The following RARB variants were observed in gnomAD, a reference collection of about 807,000 sequenced individuals.
RARB encodes retinoic acid receptor beta.
RARB carries 17 observed loss-of-function variants against 51.9 expected under a neutral mutation model. The ratio of observed to expected loss-of-function variants is 0.33; its 90% CI spans 0.22 to 0.49. The LOEUF (loss-of-function observed/expected upper bound fraction) is 0.49, where lower values mean the gene tolerates loss of function less well. Among genes scored for constraint, RARB ranks in the 20% least tolerant of loss-of-function variants. The probability of loss-of-function intolerance (pLI) is 0.99; values close to 1 mark genes in which losing one functional copy is unlikely to be tolerated. For missense variants in RARB, 369 were observed against 550.8 expected, an observed-to-expected ratio of 0.67 and a Z score of 3.30; for synonymous variants, 215 against 195.4, an observed-to-expected ratio of 1.10 and a Z score of -0.84.
intron 2 of RARB, among the ~76,000 whole-genome samples, chr3:24,948,651 A>AT (rs1438185697): frequency 6.6e-6 from 1 of 151,902 alleles, no homozygotes; most frequent in Non-Finnish European, 1.5e-5. Flanking sequence ...TCCGAATCTC[A>AT]TGTCGAGATG....
intron 5 of RARB, among the ~76,000 whole-genome samples, chr3:25,385,688 T>C (rs368924180): frequency 7.9e-5 from 12 of 152,152 alleles, no homozygotes; most frequent in Non-Finnish European, 1.8e-4. Context: ...GTTTTCTGAT[T>C]GTTAGTTTTG....
intron 5 of RARB, among the ~76,000 whole-genome samples, chr3:25,397,632 A>G (rs188786884): frequency 6.6e-6 from 1 of 152,266 alleles, no homozygotes; most frequent in African/African-American, 2.4e-5. Flanking sequence ...AAACCCCAAT[A>G]TTGAATTTAT....
At chr3:25,292,964 G>T (rs28620746) in intron 5 of RARB, among the ~76,000 whole-genome samples, 4,262 of 152,180 alleles carry the variant, frequency 0.028, 211 homozygotes, top group African/African-American at 0.097. Context: ...TGTGTTCTCC[G>T]CGAGAGCCAA....
At position 25,244,209 on chromosome 3, in the gene RARB, TATTA is replaced by T. The variant is rs1702499356; in HGVS notation, c.178+69635_178+69638del. Among the ~76,000 whole-genome samples, 4 of 152,126 alleles carry T rather than the reference TATTA, an allele frequency of 2.6e-5. No homozygotes were observed. The South Asian group carries it at 8.3e-4, about 32-fold the overall frequency. On this transcript the variant is annotated intron_variant, in intron 5 of 11. Coordinates refer to the RARB transcript ENST00000383772. ...ATTCGATTCTTCTCCTTTTCTTCTT[TATTA>T]GTCTGGCTAGCAGTCTATTTTTTTA...
At chr3:25,580,746 A>C in intron 5 of RARB, 24 bp downstream of exon 5, 1 of 1,582,530 alleles carries the variant, frequency 6.3e-7, no homozygotes. Context: ...TGAGCTCTCA[A>C]TGGGTCTGGG....
At chr3:25,447,287 G>A (rs1000414842) in intron 1 of RARB, among the ~76,000 whole-genome samples, 8 of 151,972 alleles carry the variant, frequency 5.3e-5, no homozygotes, top group Non-Finnish European at 2.9e-5. Context: ...TTAGCCCTGA[G>A]TATTTAAAGT....
chr3:25,530,145 C>T (rs1018472642), intron 3 of RARB, among the ~76,000 whole-genome samples: 64 of 152,168 alleles, frequency 4.2e-4, no homozygotes, highest in Non-Finnish European at 7.1e-4. Flanking sequence ...GTGTTATCTA[C>T]CCCTTATATC....
intron 5 of RARB, among the ~76,000 whole-genome samples, chr3:25,417,443 C>G (rs554148473): frequency 6.6e-6 from 1 of 152,214 alleles, no homozygotes; most frequent in African/African-American, 2.4e-5. Flanking sequence ...TAACTGACTC[C>G]CCCCAAGGGA....
intron 2 of RARB, among the ~76,000 whole-genome samples, chr3:24,922,205 T>C (rs185939385): frequency 1.3e-5 from 2 of 152,340 alleles, no homozygotes; most frequent in Admixed American, 6.5e-5. Flanking sequence ...GTCACTGCTA[T>C]CTGTATAAAC....
chr3:25,577,946 G>T (rs546820286), intron 4 of RARB, among the ~76,000 whole-genome samples: 5 of 152,248 alleles, frequency 3.3e-5, no homozygotes, highest in African/African-American at 7.2e-5. Context: ...ACCTCCTCTG[G>T]AAGCCCTGGC....
At chr3:25,200,215 C>T (rs1241995152) in intron 5 of RARB, among the ~76,000 whole-genome samples, 2 of 151,656 alleles carry the variant, frequency 1.3e-5, no homozygotes, top group Admixed American at 6.6e-5. Context: ...AGCATTGTTT[C>T]TTGTGTCTTT....
At chr3:25,419,163 G>T (rs1364803321) in intron 5 of RARB, among the ~76,000 whole-genome samples, 1 of 152,034 alleles carries the variant, frequency 6.6e-6, no homozygotes, top group African/African-American at 2.4e-5. Context: ...TATTTAGGTG[G>T]TGCTCTGTGT....
chr3:25,292,659 C>T lies in RARB; in HGVS notation c.178+118084C>T, dbSNP rs528302544. Among the ~76,000 whole-genome samples, 95 of 152,258 alleles carry T rather than the reference C, an allele frequency of 6.2e-4. No individual in the cohort carries two copies. In the South Asian group the frequency reaches 7.3e-3, roughly 12 times the overall value. On this transcript the variant is annotated intron_variant, in intron 5 of 11. Coordinates refer to the RARB transcript ENST00000383772. ...TGCCTTCCTCTTTAGCTTTCTTAAT[C>T]CTCAGAAACCAAAGTCTCCAGAAGC...
chr3:24,955,649 A>T (rs1287737017), intron 2 of RARB, among the ~76,000 whole-genome samples: 1 of 152,206 alleles, frequency 6.6e-6, no homozygotes, highest in East Asian at 1.9e-4. Context: ...AATCCCAGGG[A>T]AAATGATTAC....
rs1251995167 is a variant in RARB, at chr3:25,046,401, C to T, written c.-379-13724C>T. Among the ~76,000 whole-genome samples, 4 of 152,162 alleles carry T rather than the reference C, an allele frequency of 2.6e-5. No homozygotes were observed. In the East Asian group the frequency reaches 7.7e-4, roughly 29 times the overall value. Reference sequence around the variant, plus strand: ...TTGAAGACTTTGATATTCTGGAAGGCAGCACTCTTTAAGACAAGATATCCT... The same window carrying T: ...TTGAAGACTTTGATATTCTGGAAGGTAGCACTCTTTAAGACAAGATATCCT... On this transcript the variant is annotated intron_variant, in intron 2 of 11. Transcript: ENST00000383772.
intron 5 of RARB, among the ~76,000 whole-genome samples, chr3:25,222,625 G>A (rs1701971794): frequency 6.6e-6 from 1 of 152,106 alleles, no homozygotes; most frequent in African/African-American, 2.4e-5. Flanking sequence ...CTCTGAGAAA[G>A]CAAAATGAAA....
intron 5 of RARB, among the ~76,000 whole-genome samples, chr3:25,290,185 A>C (rs941215103): frequency 1.3e-5 from 2 of 152,162 alleles, no homozygotes; most frequent in African/African-American, 4.8e-5. Flanking sequence ...TTGAAGACCT[A>C]TCCCCCAGGA....
chr3:25,040,771 C>G (rs1373042270), intron 2 of RARB, among the ~76,000 whole-genome samples: 1 of 152,100 alleles, frequency 6.6e-6, no homozygotes, highest in African/African-American at 2.4e-5. Flanking sequence ...TAATTCACAA[C>G]CAAACTTTGT....
chr3:25,170,837 C>CAAAAGATATTAACTTTTGTTAATAA (rs1171474424), intron 4 of RARB, among the ~76,000 whole-genome samples: 1 of 151,904 alleles, frequency 6.6e-6, no homozygotes, highest in Non-Finnish European at 1.5e-5. Flanking sequence ...AATAAGATAT[C>CAAAAGATATTAACTTTTGTTAATAA]GTAGATACAG....
Sources: allele counts gnomAD v4.1 joint callset (sites outside exome capture counted in the v4.1 genomes callset), GRCh38; gene constraint gnomAD v4.1.1; transcripts MANE v1.5; gene names NCBI Gene and HGNC (gene_info 2026-07-23, HGNC 2026-07-21).